SLC8A3: variants seen among roughly 807,000 people sequenced by gnomAD.
The protein encoded by SLC8A3 is sodium/calcium exchanger 3.
In SLC8A3, 37 loss-of-function variants were observed where a neutral mutation model predicts 65.4. The ratio of observed to expected loss-of-function variants is 0.57; its 90% CI spans 0.44 to 0.74. The LOEUF (loss-of-function observed/expected upper bound fraction) is 0.74. SLC8A3 is among the 30% of genes least tolerant of loss of function. The pLI, the probability that SLC8A3 is intolerant of heterozygous loss-of-function variation, is 0.00. For missense variants in SLC8A3, 1,112 were observed against 1,172.1 expected, an observed-to-expected ratio of 0.95 and a Z score of 0.75; for synonymous variants, 461 against 444.5, an observed-to-expected ratio of 1.04 and a Z score of -0.47.
intron 2 of SLC8A3, among the ~76,000 whole-genome samples, chr14:70,075,550 C>T (rs905465473): frequency 1.3e-5 from 2 of 152,048 alleles, no homozygotes; most frequent in African/African-American, 2.4e-5. Flanking sequence ...GTGAGTGGCC[C>T]GCGCTTATTT....
At chr14:70,143,546 T>C (rs1256650200) in intron 2 of SLC8A3, among the ~76,000 whole-genome samples, 1 of 152,114 alleles carries the variant, frequency 6.6e-6, no homozygotes, top group Non-Finnish European at 1.5e-5. Flanking sequence ...TTAAACAATA[T>C]ACTGATATCC....
At position 70,075,552 on chromosome 14, in the gene SLC8A3, C is replaced by T. The variant is rs117564778; in HGVS notation, c.1785-14613G>A. Among the ~76,000 whole-genome samples the T allele has an allele frequency of 7.8e-4, 118 of 152,178 alleles. 2 individuals are homozygous for T. Among genetic ancestry groups the T allele is most frequent in the Non-Finnish European group, 5.6e-4 (38 of 68,004 alleles). ...TTGTTGGGCTTGCGTGAGTGGCCCG[C>T]GCTTATTTGTCAGCGTGGTCCCCCT... On this transcript the variant is annotated intron_variant, in intron 2 of 6. Coordinates refer to ENST00000356921, the MANE Select transcript of SLC8A3 (RefSeq NM_182932.3).
At chr14:70,099,685 C>T (rs1210966236) in intron 2 of SLC8A3, among the ~76,000 whole-genome samples, 1 of 152,188 alleles carries the variant, frequency 6.6e-6, no homozygotes, top group East Asian at 1.9e-4. Flanking sequence ...CAAGGATACA[C>T]TGCCTGCAAA....
At chr14:70,120,306 A>G (rs1893968809) in intron 2 of SLC8A3, among the ~76,000 whole-genome samples, 2 of 152,358 alleles carry the variant, frequency 1.3e-5, no homozygotes, top group African/African-American at 2.4e-5. Flanking sequence ...GACATATGTT[A>G]AGAAAACAGA....
intron 2 of SLC8A3, among the ~76,000 whole-genome samples, chr14:70,139,140 A>G (rs1594745258): frequency 6.6e-6 from 1 of 152,120 alleles, no homozygotes; most frequent in Admixed American, 6.5e-5. Flanking sequence ...TGGCTCTGCC[A>G]CCTCCAACAA....
chr14:70,173,969 T>C (rs1229575345), intron 1 of SLC8A3, among the ~76,000 whole-genome samples: 3 of 152,240 alleles, frequency 2.0e-5, no homozygotes, highest in African/African-American at 7.2e-5. Flanking sequence ...TCTTGCATTA[T>C]TAATGTTTTG....
chr14:70,140,552 T>C (rs1895497732), intron 2 of SLC8A3, among the ~76,000 whole-genome samples: 1 of 152,220 alleles, frequency 6.6e-6, no homozygotes, highest in Admixed American at 6.5e-5. Flanking sequence ...TTGCTCCACC[T>C]CACACCTTGG....
intron 3 of SLC8A3, among the ~76,000 whole-genome samples, chr14:70,057,847 C>T (rs577254627): frequency 3.0e-4 from 45 of 152,170 alleles, no homozygotes; most frequent in Non-Finnish European, 5.7e-4. Flanking sequence ...GATGAGCCCA[C>T]GGTTGTCGAA....
At chr14:70,181,275 C>A (rs969479645) in intron 1 of SLC8A3, among the ~76,000 whole-genome samples, 1 of 152,134 alleles carries the variant, frequency 6.6e-6, no homozygotes, top group African/African-American at 2.4e-5. Context: ...TTGACTCCAC[C>A]ACTGTCTTAT....
intron 2 of SLC8A3, among the ~76,000 whole-genome samples, chr14:70,164,795 C>T (rs1170319996): frequency 6.6e-6 from 1 of 152,204 alleles, no homozygotes; most frequent in African/African-American, 2.4e-5. Context: ...TCTTCTTCCA[C>T]ACTGACATCG....
chr14:70,166,212 G>T (rs954911623), intron 2 of SLC8A3, among the ~76,000 whole-genome samples: 2 of 152,168 alleles, frequency 1.3e-5, no homozygotes, highest in Non-Finnish European at 2.9e-5. Context: ...TTGCTGCCCA[G>T]AATGGAAAGG....
Position 70,044,225 on chromosome 14 carries a change from G to C in SLC8A3, c.*1722C>G, listed in dbSNP as rs974552868. 1.3e-5 allele frequency: 2 copies of C among 152,192 alleles called. No homozygotes were observed. The highest frequency in any genetic ancestry group is 3.2e-3 in the Middle Eastern group (1 of 316). The allele number at this position is 152,192 out of a possible 1,614,324, so 9.4% of individuals were successfully genotyped here. ...CAGGTAGAAGCAAGCTGTATGTAGA[G>C]AGATATAGTATAGCTTTTATTTTTT... On this transcript the variant is annotated 3_prime_UTR_variant, in exon 7 of 7. Transcript: ENST00000356921.
At chr14:70,103,654 T>C (rs1395509770) in intron 2 of SLC8A3, among the ~76,000 whole-genome samples, 1 of 151,220 alleles carries the variant, frequency 6.6e-6, no homozygotes, top group Admixed American at 6.6e-5. Flanking sequence ...TACAAAGATA[T>C]ATAGCTATAA....
chr14:70,121,800 G>A (rs1894075990), intron 2 of SLC8A3, among the ~76,000 whole-genome samples: 1 of 151,280 alleles, frequency 6.6e-6, no homozygotes, highest in South Asian at 2.1e-4. Flanking sequence ...TTTCAATGAG[G>A]CTTTCTTTTC....
At chr14:70,066,879 C>T (rs925235799) in intron 2 of SLC8A3, among the ~76,000 whole-genome samples, 18 of 152,164 alleles carry the variant, frequency 1.2e-4, no homozygotes, top group African/African-American at 4.1e-4. Context: ...TTGCAGTAGC[C>T]TCCTAAGAGA....
At chr14:70,090,290 T>C (rs1016408397) in intron 2 of SLC8A3, among the ~76,000 whole-genome samples, 3 of 152,350 alleles carry the variant, frequency 2.0e-5, no homozygotes, top group Non-Finnish European at 2.9e-5. Flanking sequence ...CATTAAGGAA[T>C]ACTGTGTTCT....
chr14:70,105,051 CA>C (rs1892767187), intron 2 of SLC8A3, among the ~76,000 whole-genome samples: 1 of 152,186 alleles, frequency 6.6e-6, no homozygotes. Flanking sequence ...AAACCTCGGC[CA>C]GGCGCGGTGG....
intron 2 of SLC8A3, among the ~76,000 whole-genome samples, chr14:70,072,772 C>T (rs1310788540): frequency 2.0e-5 from 3 of 152,274 alleles, no homozygotes; most frequent in East Asian, 3.9e-4. Flanking sequence ...CTCAGCCTCC[C>T]GAGTAGCTGG....
At chr14:70,086,064 T>C (rs767229838) in intron 2 of SLC8A3, among the ~76,000 whole-genome samples, 1 of 152,240 alleles carries the variant, frequency 6.6e-6, no homozygotes, top group Admixed American at 6.5e-5. Context: ...GAGGGAATTG[T>C]GGCCTCTCTC....
Sources: allele counts gnomAD v4.1 joint callset (sites outside exome capture counted in the v4.1 genomes callset), GRCh38; gene constraint gnomAD v4.1.1; transcripts MANE v1.5; gene names NCBI Gene and HGNC (gene_info 2026-07-23, HGNC 2026-07-21).